ST18: variants seen among roughly 807,000 people sequenced by gnomAD.
ST18 encodes ST18 C2H2C-type zinc finger transcription factor.
ST18 carries 50 observed loss-of-function variants against 110.0 expected under a neutral mutation model. The ratio of observed to expected loss-of-function variants is 0.45; its 90% CI spans 0.36 to 0.58. The LOEUF (loss-of-function observed/expected upper bound fraction) is 0.58. ST18 is among the 20% of genes least tolerant of loss of function. The pLI is 0.00. For missense variants in ST18, 1,306 were observed against 1,280.1 expected, an observed-to-expected ratio of 1.02 and a Z score of -0.31; for synonymous variants, 461 against 452.4, an observed-to-expected ratio of 1.02 and a Z score of -0.24.
intron 2 of ST18, among the ~76,000 whole-genome samples, chr8:52,287,816 G>T (rs2095493455): frequency 6.6e-6 from 1 of 152,186 alleles, no homozygotes; most frequent in South Asian, 2.1e-4. Flanking sequence ...ATCTGAGCTA[G>T]TGGGCTGAGA....
At chr8:52,362,334 A>T (rs1826066443) in intron 2 of ST18, among the ~76,000 whole-genome samples, 1 of 152,240 alleles carries the variant, frequency 6.6e-6, no homozygotes, top group Non-Finnish European at 1.5e-5. Context: ...CCAGGAATCA[A>T]ATCAAACCAA....
Position 52,129,453 on chromosome 8 carries a change from A to G in ST18, c.2666+2505T>C, listed in dbSNP as rs74580339. 6.6e-4 allele frequency among the ~76,000 whole-genome samples: 59 copies of G among 88,798 alleles called. 1 individual carries two copies. The highest frequency in any genetic ancestry group is 4.0e-3 in the African/African-American group (56 of 14,144). The allele number at this position is 88,798 out of a possible 152,430, so 58.3% of individuals were successfully genotyped here. A position where few individuals can be genotyped will look rare whatever the true frequency, so the allele number is the denominator to read the frequency against. ...TGGGTGACAGAGTGAGACTCCATCAAAAAAAAAAAAAAAAAAAAAAGAAAG... is the reference window on the plus strand; with the variant it reads ...TGGGTGACAGAGTGAGACTCCATCAGAAAAAAAAAAAAAAAAAAAAGAAAG... On this transcript the variant is annotated intron_variant, in intron 22 of 25. Transcript: ENST00000689386.
chr8:52,254,096 A>G (rs1226032331), intron 2 of ST18, among the ~76,000 whole-genome samples: 4 of 152,052 alleles, frequency 2.6e-5, no homozygotes, highest in East Asian at 3.9e-4. Flanking sequence ...AAAACCATCA[A>G]CACAGTTCTA....
intron 2 of ST18, chr8:52,404,754 G>A (rs560692779): frequency 6.6e-6 from 1 of 152,178 alleles, no homozygotes; most frequent in East Asian, 1.9e-4. Flanking sequence ...TTTAACCAAC[G>A]CTTTAGAAAA....
At chr8:52,179,940 A>G (rs1378934336) in intron 9 of ST18, among the ~76,000 whole-genome samples, 182 bp downstream of exon 9, 1 of 152,220 alleles carries the variant, frequency 6.6e-6, no homozygotes, top group Non-Finnish European at 1.5e-5. Flanking sequence ...CTCCACAGTT[A>G]CTGATTAAAA....
At chr8:52,311,894 G>T (rs945800713) in intron 2 of ST18, among the ~76,000 whole-genome samples, 15 of 152,098 alleles carry the variant, frequency 9.9e-5, no homozygotes, top group African/African-American at 3.6e-4. Flanking sequence ...CCATATCAAG[G>T]ACTTAGCACA....
At chr8:52,241,325 C>T (rs2093378234) in intron 2 of ST18, among the ~76,000 whole-genome samples, 1 of 152,202 alleles carries the variant, frequency 6.6e-6, no homozygotes, top group Non-Finnish European at 1.5e-5. Flanking sequence ...CTGATGTTTC[C>T]TCTAAACAAA....
At chr8:52,342,675 G>A (rs774071274) in intron 2 of ST18, among the ~76,000 whole-genome samples, 71 of 152,258 alleles carry the variant, frequency 4.7e-4, no homozygotes, top group Non-Finnish European at 7.6e-4. Flanking sequence ...TGGTTCCTGA[G>A]ACTCTGCATT....
At chr8:52,355,158 C>T (rs912971323) in intron 2 of ST18, among the ~76,000 whole-genome samples, 24 of 152,268 alleles carry the variant, frequency 1.6e-4, no homozygotes, top group African/African-American at 5.8e-4. Context: ...TAGACTTGGG[C>T]AAGACTTAGG....
chr8:52,161,336 A>C (rs1182562845), intron 14 of ST18, 39 bp downstream of exon 14: 1 of 1,596,188 alleles, frequency 6.3e-7, no homozygotes, highest in Non-Finnish European at 8.5e-7. Flanking sequence ...CATACACAAG[A>C]AGCATTTTGG....
Position 52,172,080 on chromosome 8 carries a change from T to C in ST18, c.781A>G (p.Asn261Asp), listed in dbSNP as rs761686321. The C allele has an allele frequency of 6.2e-7, 1 of 1,614,258 alleles. No homozygotes were observed. The highest frequency in any genetic ancestry group is 1.1e-5 in the South Asian group (1 of 91,086). The change falls in exon 10 of 26, where the codon AAT (asparagine) becomes GAT (aspartate). Residue 261 changes from asparagine (N) to aspartate (D), a missense_variant. Asn to Asp is a conservative substitution (Grantham distance 23). Coordinates refer to ENST00000689386, the MANE Select transcript of ST18 (RefSeq NM_001352837.2). ...CCATCCAGGGGTTCTGCGAGAGCAT[T>C]CTGCGGGTCTTTCCTTTCTGTTTCA... ...DSETERKDPQ[N>D]ALAEPLDGNA...
At position 52,161,406 on chromosome 8, in the gene ST18, C is replaced by T. The variant is rs757060730; in HGVS notation, c.1563G>A (p.Val521=). 7 of 1,614,144 alleles carry T rather than the reference C, an allele frequency of 4.3e-6. No homozygotes were observed. Among genetic ancestry groups the T allele is most frequent in the Non-Finnish European group, 5.9e-6 (7 of 1,180,000 alleles). The change falls in exon 14 of 26, where the codon GTG becomes GTA. Residue 521 remains valine, a synonymous_variant. Transcript: ENST00000689386. ...VFGKRPLIQT[V]QGRKTPPFPE... Reference sequence around the variant, plus strand: ...GAAATGGTGGTGTTTTTCGTCCTTGCACTGTTTGTATGAGAGGGCGTTTAC... The same window carrying T: ...GAAATGGTGGTGTTTTTCGTCCTTGTACTGTTTGTATGAGAGGGCGTTTAC...
rs2055813891 is a variant in ST18 at position 52,143,008 on chromosome 8, T to C, written c.2090A>G (p.Lys697Arg). ...PVSSLENLEE[K>R]KFPGEASIPS... ...TATAGAGGCCTCTCCAGGAAACTTT[T>C]TTTCCTCTAAATTTTCTAGAGAGCT... Residue 697 changes from lysine (K) to arginine (R), a missense_variant, in exon 17 of 26, where the codon AAA becomes AGA. Coordinates refer to ENST00000689386, the MANE Select transcript of ST18 (RefSeq NM_001352837.2). The C allele has an allele frequency of 6.2e-7, 1 of 1,614,014 alleles. No individual in the cohort carries two copies. Among genetic ancestry groups the C allele is most frequent in the East Asian group, 2.2e-5 (1 of 44,880 alleles).
rs139250531 is a variant in ST18, at chr8:52,384,150, T to C, written c.-465+25178A>G. On this transcript the variant is annotated intron_variant, in intron 2 of 25. Transcript: ENST00000689386. ...TGGAAACATAAATGGGAGAGTAATG[T>C]TGAACACTGCAGTGTAGCCAAAATT... is the stretch of plus-strand genomic sequence containing the variant. 1.6e-3 allele frequency among the ~76,000 whole-genome samples: 243 copies of C among 152,308 alleles called. 10 individuals are homozygous for C. The East Asian group carries it at 0.036, about 23-fold the overall frequency.
chr8:52,348,798 T>C (rs1331533664), intron 2 of ST18, among the ~76,000 whole-genome samples: 1 of 152,204 alleles, frequency 6.6e-6, no homozygotes, highest in Non-Finnish European at 1.5e-5. Context: ...GAAGTATATA[T>C]ACATTGTGAA....
chr8:52,322,014 C>G (rs1226486663), intron 2 of ST18, among the ~76,000 whole-genome samples: 3 of 152,238 alleles, frequency 2.0e-5, no homozygotes, highest in Admixed American at 1.3e-4. Flanking sequence ...TGCCTTCCCT[C>G]CCATCCATAT....
chr8:52,368,100 A>G (rs1828857296), intron 2 of ST18, among the ~76,000 whole-genome samples: 1 of 152,072 alleles, frequency 6.6e-6, no homozygotes, highest in African/African-American at 2.4e-5. Context: ...AATATATTGC[A>G]GTGGCAATCT....
At chr8:52,336,895 C>A (rs1202532698) in intron 2 of ST18, among the ~76,000 whole-genome samples, 2 of 152,218 alleles carry the variant, frequency 1.3e-5, no homozygotes, top group East Asian at 3.9e-4. Flanking sequence ...GTGACCCCTA[C>A]CATGCCCCTT....
chr8:52,211,369 A>G (rs2082083927), intron 8 of ST18, among the ~76,000 whole-genome samples: 1 of 142,680 alleles, frequency 7.0e-6, no homozygotes, highest in African/African-American at 2.6e-5. Context: ...TACCTGATGG[A>G]ATCATCTAAT....
Sources: gnomAD v4.1 joint callset for allele counts (sites outside exome capture counted in the v4.1 genomes callset) on GRCh38, gnomAD v4.1.1 for gene constraint, MANE v1.5 for transcripts, NCBI Gene and HGNC (gene_info 2026-07-23, HGNC 2026-07-21) for gene names.